Variants in AUTS2 observed in about 807,000 individuals in gnomAD.
The protein encoded by AUTS2 is autism susceptibility gene 2 protein.
Under a neutral mutation model 112.4 loss-of-function variants are expected in AUTS2, and 17 were observed. The observed-to-expected ratio is 0.15, with a 90% CI of 0.10 to 0.23. The LOEUF (loss-of-function observed/expected upper bound fraction) is 0.23. AUTS2 is among the 10% of genes least tolerant of loss of function. AUTS2 has a pLI of 1.00. For missense variants in AUTS2, 1,510 were observed against 1,701.6 expected, an observed-to-expected ratio of 0.89 and a Z score of 1.98; for synonymous variants, 751 against 702.7, an observed-to-expected ratio of 1.07 and a Z score of -1.09.
chr7:70,533,360 C>T (rs192178103), intron 5 of AUTS2, among the ~76,000 whole-genome samples: 120 of 152,300 alleles, frequency 7.9e-4, no homozygotes, highest in Non-Finnish European at 1.2e-3. Flanking sequence ...GCGATCCTCA[C>T]ACCTGACCCT....
intron 4 of AUTS2, among the ~76,000 whole-genome samples, chr7:70,309,118 T>C (rs1789620213): frequency 6.6e-6 from 1 of 152,266 alleles, no homozygotes; most frequent in Non-Finnish European, 1.5e-5. Context: ...CAAATTGCCC[T>C]GTACATACAA....
At chr7:70,630,394 C>G (rs750610433) in intron 5 of AUTS2, among the ~76,000 whole-genome samples, 1 of 152,216 alleles carries the variant, frequency 6.6e-6, no homozygotes, top group Non-Finnish European at 1.5e-5. Flanking sequence ...AGGAATCAAC[C>G]AGAAAGCTTC....
At chr7:69,676,557 T>A (rs1488882929) in intron 1 of AUTS2, among the ~76,000 whole-genome samples, 1 of 152,220 alleles carries the variant, frequency 6.6e-6, no homozygotes. Context: ...TTGGTTTAAG[T>A]CAACTATGGC....
intron 3 of AUTS2, among the ~76,000 whole-genome samples, chr7:70,120,809 A>G (rs1391853485): frequency 2.0e-5 from 3 of 152,242 alleles, no homozygotes; most frequent in African/African-American, 7.2e-5. Flanking sequence ...AATGTCTATC[A>G]TAATTCCAAC....
intron 5 of AUTS2, among the ~76,000 whole-genome samples, chr7:70,464,563 C>T (rs1797099615): frequency 6.6e-6 from 1 of 152,150 alleles, no homozygotes; most frequent in African/African-American, 2.4e-5. Flanking sequence ...ACGGCTAGTA[C>T]AATTAGTCTG....
At chr7:69,718,814 A>C (rs1026302161) in intron 1 of AUTS2, among the ~76,000 whole-genome samples, 1 of 152,166 alleles carries the variant, frequency 6.6e-6, no homozygotes, top group Admixed American at 6.5e-5. Context: ...CTCAAATGAA[A>C]TTGTATAGTG....
chr7:70,311,600 G>A lies in AUTS2; in HGVS notation c.661-124152G>A, dbSNP rs188460168. ...TTGTTACAGTCTCGTTCTGTCACCC[G>A]GGGTGGAGTGCAGTGATGCAATCTT... On this transcript the variant is annotated intron_variant, in intron 4 of 18. Transcript: ENST00000342771. Among the ~76,000 whole-genome samples the A allele has an allele frequency of 2.5e-3, 380 of 152,136 alleles. 3 individuals carry two copies. The highest frequency in any genetic ancestry group is 8.6e-3 in the African/African-American group (358 of 41,516).
intron 4 of AUTS2, among the ~76,000 whole-genome samples, chr7:70,193,887 G>A (rs1022669054): frequency 1.3e-5 from 2 of 152,104 alleles, no homozygotes; most frequent in South Asian, 2.1e-4. Flanking sequence ...TTATTTTCCT[G>A]TATATTCTTA....
intron 1 of AUTS2, among the ~76,000 whole-genome samples, chr7:69,806,358 T>C (rs1790307250): frequency 6.6e-6 from 1 of 151,878 alleles, no homozygotes; most frequent in African/African-American, 2.4e-5. Context: ...GATAATAGCT[T>C]ATTTGTGTTG....
intron 1 of AUTS2, among the ~76,000 whole-genome samples, chr7:69,739,052 G>A (rs1367843515): frequency 6.6e-6 from 1 of 152,094 alleles, no homozygotes. Flanking sequence ...TCTGGCCTAG[G>A]GGGTTGGTTA....
At chr7:70,590,848 T>G (rs1333609356) in intron 5 of AUTS2, among the ~76,000 whole-genome samples, 1 of 152,210 alleles carries the variant, frequency 6.6e-6, no homozygotes, top group African/African-American at 2.4e-5. Flanking sequence ...TCGTGTTGTT[T>G]TCCTCATTTA....
rs527626055 is a variant in AUTS2, at chr7:70,061,191, T to A, written c.523-56941T>A. On this transcript the variant is annotated intron_variant, in intron 2 of 18. Transcript: ENST00000342771. ...TGATATTGGAAATAATAGATTCTTG[T>A]TTATGTGCGAAATGGAGACAGTACT... 3.3e-4 allele frequency among the ~76,000 whole-genome samples: 51 copies of A among 152,262 alleles called. 2 individuals carry two copies. The South Asian group carries it at 0.011, about 32-fold the overall frequency.
At chr7:70,716,523 C>A (rs535767078) in intron 6 of AUTS2, among the ~76,000 whole-genome samples, 29 of 150,222 alleles carry the variant, frequency 1.9e-4, no homozygotes, top group African/African-American at 7.1e-4. Flanking sequence ...GTCCCAGCTA[C>A]TCGGGAAGCT....
rs375737071 is a variant in AUTS2, at chr7:70,011,835, G to A, written c.523-106297G>A. On this transcript the variant is annotated intron_variant, in intron 2 of 18. Transcript: ENST00000342771. ...TTCAGCCCTTGCTGTGGAAGGTGGAGCTCCTACCATCTCTGCCTGTGTTGG... is the reference window on the plus strand; with the variant it reads ...TTCAGCCCTTGCTGTGGAAGGTGGAACTCCTACCATCTCTGCCTGTGTTGG... Among the ~76,000 whole-genome samples, 22 of 152,300 alleles carry A rather than the reference G, an allele frequency of 1.4e-4. No individual in the cohort carries two copies. The East Asian group carries it at 3.3e-3, about 23-fold the overall frequency.
chr7:69,830,606 G>C (rs1241216220), intron 1 of AUTS2, among the ~76,000 whole-genome samples: 1 of 152,142 alleles, frequency 6.6e-6, no homozygotes, highest in Non-Finnish European at 1.5e-5. Flanking sequence ...CCTCCTGGAA[G>C]TACCTTGGAT....
intron 2 of AUTS2, among the ~76,000 whole-genome samples, chr7:70,103,916 A>T (rs909301253): frequency 8.6e-4 from 131 of 152,134 alleles, no homozygotes; most frequent in Non-Finnish European, 1.6e-3. Context: ...TCTCAAAAAA[A>T]AAAAATAAAT....
chr7:70,517,366 C>T (rs932592509), intron 5 of AUTS2, among the ~76,000 whole-genome samples: 4 of 151,976 alleles, frequency 2.6e-5, no homozygotes, highest in Non-Finnish European at 5.9e-5. Context: ...GATAAGTGAA[C>T]TGACACCTGA....
Position 69,598,812 on chromosome 7 carries a change from TCTC to T in AUTS2, c.-841_-839del, listed in dbSNP as rs1337416543. The T allele has an allele frequency of 1.3e-5, 2 of 148,524 alleles. No individual in the cohort carries two copies. Among genetic ancestry groups the T allele is most frequent in the African/African-American group, 5.0e-5 (2 of 39,860 alleles). 9.2% of individuals were successfully genotyped at this position (148,524 alleles called of 1,614,324 possible). The stretch of plus-strand genomic sequence containing the variant: ...GGTGGCAGCGACAGGGTTTGCTTCT[TCTC>T]TTCTTTCATCTCCCTCTCCTCCCCC... On this transcript the variant is annotated 5_prime_UTR_variant, in exon 1 of 19. Transcript: ENST00000342771.
chr7:70,779,952 A>G (rs1478135730), intron 14 of AUTS2, among the ~76,000 whole-genome samples: 1 of 151,968 alleles, frequency 6.6e-6, no homozygotes, highest in Non-Finnish European at 1.5e-5. Context: ...AGGCAAGAGG[A>G]TGCAGTGAAC....
Sources: gnomAD v4.1 joint callset for allele counts (sites outside exome capture counted in the v4.1 genomes callset) on GRCh38, gnomAD v4.1.1 for gene constraint, MANE v1.5 for transcripts, NCBI Gene and HGNC (gene_info 2026-07-23, HGNC 2026-07-21) for gene names.